LRRC69: variants seen among roughly 807,000 people sequenced by gnomAD.
The protein encoded by LRRC69 is leucine-rich repeat-containing protein 69.
A neutral mutation model predicts 37.8 loss-of-function variants in LRRC69; 42 were observed. The observed-to-expected ratio is 1.11, with a 90% confidence interval of 0.87 to 1.44. The LOEUF (loss-of-function observed/expected upper bound fraction) is 1.44. Among genes scored for constraint, LRRC69 ranks in the 40% most tolerant of loss-of-function variants. The pLI, the probability that LRRC69 is intolerant of heterozygous loss-of-function variation, is 0.00. For synonymous variants in LRRC69, 141 were observed against 143.1 expected (o/e 0.99, Z 0.11); for missense variants, 357 against 401.9 (o/e 0.89, Z 0.96).
At chr8:91,151,906 CT>C (rs989260792) in intron 5 of LRRC69, among the ~76,000 whole-genome samples, 1 of 150,398 alleles carries the variant, frequency 6.6e-6, no homozygotes, top group Non-Finnish European at 1.5e-5. Flanking sequence ...TGATGTTGAG[CT>C]TTTTTTTTCA....
chr8:91,106,023 G>A (rs1168951066), intron 1 of LRRC69, among the ~76,000 whole-genome samples: 1 of 152,084 alleles, frequency 6.6e-6, no homozygotes, highest in East Asian at 1.9e-4. Context: ...AAAGCAGAGA[G>A]AAGGGGCAGG....
intron 7 of LRRC69, among the ~76,000 whole-genome samples, chr8:91,212,368 T>A (rs1230983239): frequency 6.6e-6 from 1 of 152,134 alleles, no homozygotes; most frequent in Non-Finnish European, 1.5e-5. Context: ...TAAAGTTGAA[T>A]AGTTTAGGGA....
intron 5 of LRRC69, among the ~76,000 whole-genome samples, chr8:91,168,704 C>G (rs183850451): frequency 4.3e-4 from 65 of 149,854 alleles, no homozygotes; most frequent in Middle Eastern, 3.4e-3. Flanking sequence ...ATAAATGACA[C>G]TCTATGTGTT....
At chr8:91,110,442 C>A (rs1025056953) in intron 1 of LRRC69, among the ~76,000 whole-genome samples, 1 of 151,910 alleles carries the variant, frequency 6.6e-6, no homozygotes, top group Admixed American at 6.6e-5. Flanking sequence ...AAGTTTGAGA[C>A]CAGCCTTACC....
chr8:91,171,740 T>A (rs1809135840), intron 5 of LRRC69, among the ~76,000 whole-genome samples: 1 of 152,032 alleles, frequency 6.6e-6, no homozygotes, highest in Non-Finnish European at 1.5e-5. Context: ...ATCAGAGTGA[T>A]GTAAATTTAA....
chr8:91,122,610 G>T (rs1813648389), intron 1 of LRRC69, among the ~76,000 whole-genome samples: 1 of 152,018 alleles, frequency 6.6e-6, no homozygotes, highest in Admixed American at 6.6e-5. Flanking sequence ...ACTGTGGCAG[G>T]TTCACTTGTT....
intron 6 of LRRC69, 25 bp downstream of exon 6, chr8:91,189,648 A>C (rs780864184): frequency 7.0e-7 from 1 of 1,423,696 alleles, no homozygotes; most frequent in South Asian, 1.3e-5. Context: ...CATTAACTTA[A>C]GTCTTCAAAC....
intron 5 of LRRC69, among the ~76,000 whole-genome samples, chr8:91,146,587 C>T (rs1808623942): frequency 6.6e-6 from 1 of 151,332 alleles, no homozygotes; most frequent in Non-Finnish European, 1.5e-5. Flanking sequence ...GGTTTTTGTC[C>T]CTTTCACTGA....
chr8:91,142,516 A>C (rs1388376281), intron 5 of LRRC69, among the ~76,000 whole-genome samples: 1 of 152,046 alleles, frequency 6.6e-6, no homozygotes. Flanking sequence ...GAGGCTCCAG[A>C]GTAGTTTGTC....
chr8:91,200,583 T>A, intron 6 of LRRC69, 30 bp from the exon 7 acceptor site: 1 of 1,341,584 alleles, frequency 7.5e-7, no homozygotes, highest in African/African-American at 1.5e-5. Flanking sequence ...GAAAACAATC[T>A]GAGGAACTGT....
At chr8:91,125,677 A>G (rs538040145) in intron 2 of LRRC69, among the ~76,000 whole-genome samples, 1 of 151,870 alleles carries the variant, frequency 6.6e-6, no homozygotes, top group Non-Finnish European at 1.5e-5. Flanking sequence ...CCTGATATAC[A>G]TAAACAATAT....
intron 5 of LRRC69, among the ~76,000 whole-genome samples, chr8:91,171,007 CAAAGGGCTAATATCCAG>C (rs1809117619): frequency 2.7e-5 from 4 of 148,970 alleles, no homozygotes; most frequent in South Asian, 2.1e-4. Context: ...ACTCATCTGA[CAAAGGGCTAATATCCAG>C]AATCTACAAT....
intron 5 of LRRC69, among the ~76,000 whole-genome samples, chr8:91,159,185 G>T (rs1808891205): frequency 6.6e-6 from 1 of 151,214 alleles, no homozygotes; most frequent in African/African-American, 2.4e-5. Context: ...GAGGGAATGG[G>T]CAAGGTATGA....
At chr8:91,194,438 G>T (rs1349912456) in intron 6 of LRRC69, among the ~76,000 whole-genome samples, 1 of 151,906 alleles carries the variant, frequency 6.6e-6, no homozygotes, top group African/African-American at 2.4e-5. Flanking sequence ...GTTCCTCCTT[G>T]TACCTCTGGT....
intron 1 of LRRC69, among the ~76,000 whole-genome samples, chr8:91,123,511 ATTGTC>A (rs1336216442): frequency 6.6e-6 from 1 of 151,972 alleles, no homozygotes; most frequent in Non-Finnish European, 1.5e-5. Context: ...AATTTAAATC[ATTGTC>A]TTACATCCAT....
intron 7 of LRRC69, among the ~76,000 whole-genome samples, chr8:91,201,514 A>AT (rs5893165): frequency 0.61 from 92,163 of 151,412 alleles, 28,523 homozygotes; most frequent in South Asian, 0.7. Flanking sequence ...TTTTATTTTG[A>AT]TTTTTTTTTC....
chr8:91,213,519 G>A (rs1026522260), intron 7 of LRRC69, among the ~76,000 whole-genome samples: 5 of 152,144 alleles, frequency 3.3e-5, no homozygotes, highest in African/African-American at 1.2e-4. Flanking sequence ...TTTAAGCAGG[G>A]AACTGAATGC....
At chr8:91,169,298 A>G (rs1809083564) in intron 5 of LRRC69, among the ~76,000 whole-genome samples, 1 of 151,888 alleles carries the variant, frequency 6.6e-6, no homozygotes, top group African/African-American at 2.4e-5. Context: ...ACTCTCTATC[A>G]AGTACTATGA....
chr8:91,123,805 A>G lies in LRRC69; in HGVS notation c.184-688A>G, dbSNP rs564034736. Among the ~76,000 whole-genome samples, 5 of 152,140 alleles carry G rather than the reference A, an allele frequency of 3.3e-5. No individual in the cohort carries two copies. The South Asian group carries it at 1.0e-3, about 32-fold the overall frequency. ...TTTTTGGGAACAATCTGTATCACTTATTTATTGGATTACAACATCAAGGAG... is the reference window on the plus strand; with the variant it reads ...TTTTTGGGAACAATCTGTATCACTTGTTTATTGGATTACAACATCAAGGAG... On this transcript the variant is annotated intron_variant, in intron 1 of 7. Coordinates refer to ENST00000448384, the Ensembl canonical transcript of LRRC69.
Sources: gnomAD v4.1 joint callset for allele counts (sites outside exome capture counted in the v4.1 genomes callset) on GRCh38, gnomAD v4.1.1 for gene constraint, MANE v1.5 for transcripts, NCBI Gene and HGNC (gene_info 2026-07-23, HGNC 2026-07-21) for gene names.